The following DENND2D variants were observed in gnomAD, a reference collection of about 807,000 sequenced individuals.
The protein encoded by DENND2D is DENN domain-containing protein 2D.
DENND2D carries 37 observed loss-of-function variants against 59.8 expected under a neutral mutation model. The observed-to-expected ratio is 0.62, with a 90% CI of 0.48 to 0.81. The LOEUF (loss-of-function observed/expected upper bound fraction) is 0.81, where lower values mean the gene tolerates loss of function less well. DENND2D is among the 40% of genes least tolerant of loss of function. The pLI is 0.00. For missense variants in DENND2D, 525 were observed against 579.7 expected (o/e 0.91, Z 0.97); for synonymous variants, 219 against 211.3 (o/e 1.04, Z -0.31).
At chr1:111,191,526 C>A (rs1361530420) in intron 8 of DENND2D, among the ~76,000 whole-genome samples, 1 of 152,110 alleles carries the variant, frequency 6.6e-6, no homozygotes, top group African/African-American at 2.4e-5. Context: ...CTTTTAATGC[C>A]CATTTTCACA....
rs373008919 is a variant in DENND2D at position 111,200,003 on chromosome 1, G to A, written c.68-205C>T. ...GCCCTGGTAGACTTGAAACCATGGG[G>A]AGCCAAGCAGAGGAAAGAAACCACT... On this transcript the variant is annotated intron_variant, in intron 1 of 11. Coordinates refer to ENST00000357640, the MANE Select transcript of DENND2D (RefSeq NM_024901.5). 4.6e-4 allele frequency: 296 copies of A among 647,122 alleles called. No individual in the cohort carries two copies. The African/African-American group carries it at 4.8e-3, about 10-fold the overall frequency. The allele number at this position is 647,122 out of a possible 1,614,324, so 40.1% of individuals were successfully genotyped here. A position where few individuals can be genotyped will look rare whatever the true frequency, so the allele number is the denominator to read the frequency against.
upstream of DENND2D, among the ~76,000 whole-genome samples, chr1:111,203,698 G>C (rs1239731551): frequency 6.6e-6 from 1 of 152,256 alleles, no homozygotes; most frequent in Non-Finnish European, 1.5e-5. Context: ...TGGGCGACAC[G>C]CTGGAAAGCA....
In DENND2D at chr1:111,188,324, G is replaced by C. The variant is rs1362018438; in HGVS notation, c.1146C>G (p.Phe382Leu). 6.2e-7 allele frequency: 1 copy of C among 1,614,120 alleles called. No individual in the cohort carries two copies. Among genetic ancestry groups the C allele is most frequent in the Non-Finnish European group, 8.5e-7 (1 of 1,180,028 alleles). Residue 382 changes from phenylalanine to leucine, a missense_variant, in exon 11 of 12, where the codon TTC (phenylalanine) becomes TTG (leucine). Coordinates refer to ENST00000357640, the MANE Select transcript of DENND2D (RefSeq NM_024901.5). ...CATAATGGCCCACAATCTTGACAAA[G>C]AACTGCACAAAGGGGCCTGAAACAT... ...NEHVSGPFVQ[F>L]FVKIVGHYAS...
chr1:111,194,322 C>T (rs1306435083), intron 7 of DENND2D, among the ~76,000 whole-genome samples: 2 of 152,200 alleles, frequency 1.3e-5, no homozygotes, highest in African/African-American at 2.4e-5. Context: ...CCAGGCTGTC[C>T]CAGGAATACT....
upstream of DENND2D, among the ~76,000 whole-genome samples, chr1:111,203,841 G>A (rs181774135): frequency 2.4e-3 from 359 of 152,292 alleles, 3 homozygotes; most frequent in African/African-American, 8.3e-3. Flanking sequence ...CTGGGCAGGG[G>A]CAGGGGCGCT....
upstream of DENND2D, chr1:111,200,734 C>A (rs1658722662): frequency 8.0e-7 from 1 of 1,249,370 alleles, no homozygotes; most frequent in Non-Finnish European, 1.0e-6. Context: ...TCCCAAGAGC[C>A]CCAGGGTGTG....
In DENND2D at chr1:111,199,617, C is replaced by A; in HGVS notation, c.243+6G>T. 6.2e-7 allele frequency: 1 copy of A among 1,611,820 alleles called. No homozygotes were observed. The highest frequency in any genetic ancestry group is 8.5e-7 in the Non-Finnish European group (1 of 1,178,650). On this transcript the variant is annotated splice_donor_region_variant and intron_variant, in intron 2 of 11. Coordinates refer to ENST00000357640, the MANE Select transcript of DENND2D (RefSeq NM_024901.5). Reference sequence around the variant, plus strand: ...TGGCTGGCCCTGCCCCTCCTTCAGTCCTTACCTTGGGAAATTGGTAGGTGA... The same window carrying A: ...TGGCTGGCCCTGCCCCTCCTTCAGTACTTACCTTGGGAAATTGGTAGGTGA...
chr1:111,191,975 T>A (rs1289253452), intron 8 of DENND2D, among the ~76,000 whole-genome samples, 165 bp downstream of exon 8: 1 of 152,148 alleles, frequency 6.6e-6, no homozygotes, highest in Non-Finnish European at 1.5e-5. Flanking sequence ...TCCCCCAGAA[T>A]CCTTAGGAAG....
At chr1:111,196,155 C>G in intron 5 of DENND2D, 99 bp from the exon 6 acceptor site, 1 of 1,422,816 alleles carries the variant, frequency 7.0e-7, no homozygotes, top group Non-Finnish European at 9.3e-7. Context: ...TGTTCTCATA[C>G]TGGTTCAGCT....
chr1:111,189,227 T>A lies in DENND2D; in HGVS notation c.999A>T (p.Gly333=). The A allele has an allele frequency of 1.2e-6, 2 of 1,614,174 alleles. No homozygotes were observed. The highest frequency in any genetic ancestry group is 1.7e-6 in the Non-Finnish European group (2 of 1,180,024). The part of the protein sequence containing the change: ...EEVLLVNLCE[G]TFLMSVGDEK... ...AGACACTTACCGACATTAAGAAGGT[T>A]CCTTCACAAAGATTGACCAGCAGGA... Residue 333 remains glycine, a synonymous_variant, in exon 9 of 12, where the codon GGA becomes GGT. Transcript: ENST00000357640.
chr1:111,203,007 T>C (rs1658962218), upstream of DENND2D, among the ~76,000 whole-genome samples: 1 of 152,152 alleles, frequency 6.6e-6, no homozygotes, highest in African/African-American at 2.4e-5. Context: ...TCCCAGGGTC[T>C]GGGAAGACCA....
chr1:111,198,438 T>C (rs1658461869), intron 3 of DENND2D, among the ~76,000 whole-genome samples, 192 bp downstream of exon 3: 1 of 152,200 alleles, frequency 6.6e-6, no homozygotes, highest in South Asian at 2.1e-4. Flanking sequence ...TGGACAGAAG[T>C]GACTGATCAA....
Position 111,198,826 on chromosome 1 carries a change from T to C in DENND2D, c.244-84A>G, listed in dbSNP as rs999952937. The C allele has an allele frequency of 6.3e-6, 9 of 1,427,666 alleles. No individual in the cohort carries two copies. The African/African-American group carries it at 1.3e-4, about 20-fold the overall frequency. 88.4% of individuals were successfully genotyped at this position (1,427,666 alleles called of 1,614,324 possible). On this transcript the variant is annotated intron_variant, in intron 2 of 11. Transcript: ENST00000357640. ...CAGCTTCAGAGCTGGTGGGCTTCCT[T>C]TGAGGCTCTAAAGCAGTCTAGGGTT...
At chr1:111,204,298 C>G, upstream of DENND2D, 1 of 1,482,390 alleles carries the variant, frequency 6.7e-7, no homozygotes. Flanking sequence ...GCACTAACCC[C>G]CATGGCCGCG....
intron 11 of DENND2D, 85 bp from the exon 12 acceptor site, chr1:111,187,766 C>T: frequency 9.1e-7 from 1 of 1,097,020 alleles, no homozygotes; most frequent in Non-Finnish European, 1.4e-6. Context: ...CAGAAATATC[C>T]TGTCTGCTCC....
rs1210634497 is a variant in DENND2D at position 111,192,325 on chromosome 1, A to C, written c.795-8T>G. The C allele has an allele frequency of 6.3e-7, 1 of 1,580,290 alleles. No homozygotes were observed. The highest frequency in any genetic ancestry group is 8.6e-7 in the Non-Finnish European group (1 of 1,158,314). ...ATGCACTGAGACAAGGTGCTGGGACAGAGCACAGAGGATGAGAGTCAGGGG... is the reference window on the plus strand; with the variant it reads ...ATGCACTGAGACAAGGTGCTGGGACCGAGCACAGAGGATGAGAGTCAGGGG... On this transcript the variant is annotated splice_region_variant and splice_polypyrimidine_tract_variant and intron_variant, in intron 7 of 11. Coordinates refer to ENST00000357640, the MANE Select transcript of DENND2D (RefSeq NM_024901.5).
Position 111,186,815 on chromosome 1 carries a change from A to G in DENND2D, c.*790T>C, listed in dbSNP as rs1657277026. 6.6e-6 allele frequency among the ~76,000 whole-genome samples: 1 copy of G among 152,202 alleles called. No individual in the cohort carries two copies. On this transcript the variant is annotated 3_prime_UTR_variant, in exon 12 of 12. Transcript: ENST00000357640. ...AAGTGATGGGGAAACAGACCTACGT[A>G]TGGAAGCCATGTAGTGTTCTTCACA...
chr1:111,192,280 G>C lies in DENND2D; in HGVS notation c.832C>G (p.Leu278Val). 2 of 1,612,666 alleles carry C rather than the reference G, an allele frequency of 1.2e-6. No individual in the cohort carries two copies. The change falls in exon 8 of 12, where the codon CTC becomes GTC. Residue 278 changes from leucine (L) to valine (V), a missense_variant. Transcript: ENST00000357640. ...GTGTGCGCCCAGCTGAAGGGGTAGAGCAGTGCGGCAGCAGCATGGATGCAC... is the reference window on the plus strand; with the variant it reads ...GTGTGCGCCCAGCTGAAGGGGTAGACCAGTGCGGCAGCAGCATGGATGCAC... ...SQCIHAAAAL[L>V]YPFSWAHTYI...
chr1:111,189,301 C>A (rs916367200), intron 8 of DENND2D, 48 bp from the exon 9 acceptor site: 4 of 1,603,648 alleles, frequency 2.5e-6, no homozygotes, highest in South Asian at 1.1e-5. Context: ...TCTTCATAGA[C>A]CCCCAGAGGA....
Sources: gnomAD v4.1 joint callset for allele counts (sites outside exome capture counted in the v4.1 genomes callset) on GRCh38, gnomAD v4.1.1 for gene constraint, MANE v1.5 for transcripts, NCBI Gene and HGNC (gene_info 2026-07-23, HGNC 2026-07-21) for gene names.